PLIN1: variants seen among roughly 807,000 people sequenced by gnomAD.
The protein encoded by PLIN1 is perilipin-1.
Under a neutral mutation model 45.8 loss-of-function variants are expected in PLIN1, and 37 were observed. The ratio of observed to expected loss-of-function variants is 0.81; its 90% CI spans 0.62 to 1.06. The LOEUF is 1.06. Ranked by LOEUF, PLIN1 falls within the 50% of genes least tolerant of loss-of-function variation. The pLI is 0.00. For missense variants in PLIN1, 776 were observed against 716.5 expected, an observed-to-expected ratio of 1.08 and a Z score of -0.95; for synonymous variants, 340 against 309.2, an observed-to-expected ratio of 1.10 and a Z score of -1.05.
chr15:89,668,284 T>C (rs182009497), intron 6 of PLIN1, among the ~76,000 whole-genome samples: 1 of 152,228 alleles, frequency 6.6e-6, no homozygotes, highest in African/African-American at 2.4e-5. Context: ...CTGTGTAATA[T>C]TCCATCATAC....
intron 2 of PLIN1, among the ~76,000 whole-genome samples, chr15:89,676,426 T>G (rs1964517306): frequency 6.6e-6 from 1 of 152,094 alleles, no homozygotes; most frequent in African/African-American, 2.4e-5. Context: ...TTTTTGTATT[T>G]TTAGTAGAGA....
intron 2 of PLIN1, among the ~76,000 whole-genome samples, chr15:89,674,388 C>A (rs988895416): frequency 1.3e-5 from 2 of 152,174 alleles, no homozygotes; most frequent in Non-Finnish European, 2.9e-5. Context: ...TCCTGGGTAG[C>A]TGGGACTACA....
intron 3 of PLIN1, among the ~76,000 whole-genome samples, chr15:89,672,891 G>A (rs542018688): frequency 6.6e-6 from 1 of 152,364 alleles, no homozygotes; most frequent in East Asian, 1.9e-4. Context: ...TGCTGCGACA[G>A]TGAGTGTCTG....
intron 7 of PLIN1, 75 bp downstream of exon 7, chr15:89,667,527 G>A (rs1457378575): frequency 6.2e-7 from 1 of 1,611,652 alleles, no homozygotes; most frequent in Non-Finnish European, 8.5e-7. Context: ...CAGAGGCCCT[G>A]AGTTCACCCT....
intron 6 of PLIN1, 98 bp from the exon 7 acceptor site, chr15:89,667,891 G>A (rs1398488079): frequency 2.6e-6 from 4 of 1,520,722 alleles, no homozygotes; most frequent in Non-Finnish European, 3.5e-6. Flanking sequence ...GTCCGGGCCA[G>A]GTGGTGAGCA....
chr15:89,671,874 T>C (rs1964446607), intron 3 of PLIN1, among the ~76,000 whole-genome samples: 1 of 152,240 alleles, frequency 6.6e-6, no homozygotes, highest in Admixed American at 6.5e-5. Context: ...CTCTGCTTCC[T>C]ACCTTGTAAA....
Position 89,667,329 on chromosome 15 carries a change from C to T in PLIN1, c.964-148G>A. 2.7e-6 allele frequency: 3 copies of T among 1,097,670 alleles called. No homozygotes were observed. In the South Asian group the frequency reaches 4.3e-5, roughly 16 times the overall value. The allele number at this position is 1,097,670 out of a possible 1,614,324, so 68.0% of individuals were successfully genotyped here. On this transcript the variant is annotated intron_variant, in intron 7 of 8. Coordinates refer to ENST00000300055, the MANE Select transcript of PLIN1 (RefSeq NM_002666.5). ...CTGCCACTAGCAGTGTGGCCTTGGA[C>T]AGGTCACATTCCCTCTCTGAACCTC... is the stretch of plus-strand genomic sequence containing the variant.
chr15:89,665,982 C>T, intron 8 of PLIN1, 40 bp from the exon 9 acceptor site: 1 of 1,406,990 alleles, frequency 7.1e-7, no homozygotes, highest in Non-Finnish European at 9.4e-7. Context: ...TGGCTTGGCC[C>T]TGGGCCCTGC....
At chr15:89,677,034 C>G (rs1198368948) in intron 2 of PLIN1, 1 of 274,034 alleles carries the variant, frequency 3.6e-6, no homozygotes, top group Non-Finnish European at 7.2e-6. Context: ...TGTGCACCGT[C>G]TAACTCCGAC....
In PLIN1 at chr15:89,666,921, AGGGGTG is replaced by A; in HGVS notation, c.1209+9_1209+14del. 1 of 1,613,712 alleles carries A rather than the reference AGGGGTG, an allele frequency of 6.2e-7. No homozygotes were observed. Among genetic ancestry groups the A allele is most frequent in the Non-Finnish European group, 8.5e-7 (1 of 1,179,832 alleles). ...CCCCTTGGGACACTAACAGTTTGCC[AGGGGTG>A]GTACTCACCGGCACGTAATGCACCA... On this transcript the variant is annotated intron_variant, in intron 8 of 8. Transcript: ENST00000300055.
chr15:89,668,197 A>G (rs547415010), intron 6 of PLIN1, among the ~76,000 whole-genome samples: 1 of 152,328 alleles, frequency 6.6e-6, no homozygotes, highest in South Asian at 2.1e-4. Flanking sequence ...ATCTATTAAT[A>G]GCTCCTTTAG....
chr15:89,666,888 G>A (rs1225888759), intron 8 of PLIN1, 48 bp downstream of exon 8: 1 of 1,609,448 alleles, frequency 6.2e-7, no homozygotes, highest in Non-Finnish European at 8.5e-7. Context: ...TATCTGCCAT[G>A]TCCAGGCCCC....
intron 3 of PLIN1, among the ~76,000 whole-genome samples, chr15:89,672,127 C>G (rs1463345492): frequency 6.6e-6 from 1 of 152,212 alleles, no homozygotes; most frequent in Non-Finnish European, 1.5e-5. Flanking sequence ...AGTGCAGGCC[C>G]CAGGCCGTCC....
chr15:89,671,547 G>A lies in PLIN1; in HGVS notation c.268C>T (p.Leu90=). 1 of 1,569,222 alleles carries A rather than the reference G, an allele frequency of 6.4e-7. No homozygotes were observed. The highest frequency in any genetic ancestry group is 1.2e-5 in the South Asian group (1 of 85,182). ...AGGTGGTCCAAGCCTCGGCAGGCCAGCTCATTGGCAGCTGTGACTGGAAGG... is the reference window on the plus strand; with the variant it reads ...AGGTGGTCCAAGCCTCGGCAGGCCAACTCATTGGCAGCTGTGACTGGAAGG... ...LSTQFTAANE[L]ACRGLDHLEE... is the part of the protein sequence containing the mutation. The change falls in exon 4 of 9, where the codon CTG becomes TTG. Residue 90 remains leucine (L), a synonymous_variant. Coordinates refer to ENST00000300055, the MANE Select transcript of PLIN1 (RefSeq NM_002666.5).
chr15:89,675,043 G>A (rs1964495020), intron 2 of PLIN1, among the ~76,000 whole-genome samples: 1 of 152,158 alleles, frequency 6.6e-6, no homozygotes, highest in African/African-American at 2.4e-5. Flanking sequence ...ATGAGTCCGG[G>A]AGTTGGAGGC....
At chr15:89,675,022 G>A (rs1964494333) in intron 2 of PLIN1, among the ~76,000 whole-genome samples, 1 of 152,120 alleles carries the variant, frequency 6.6e-6, no homozygotes, top group African/African-American at 2.4e-5. Context: ...AACCTGAGGC[G>A]GGAAGATCGC....
In PLIN1 at chr15:89,669,460, C is replaced by A. The variant is rs1268426418; in HGVS notation, c.771+40G>T. ...AGGGACTAGGAGGCCCACAGGGCTC[C>A]CAGGCACCGGGTCAGTCAGAGCTCA... On this transcript the variant is annotated intron_variant, in intron 6 of 8. Coordinates refer to ENST00000300055, the MANE Select transcript of PLIN1 (RefSeq NM_002666.5). 8.9e-6 allele frequency: 14 copies of A among 1,581,688 alleles called. No homozygotes were observed. The East Asian group carries it at 2.9e-4, about 33-fold the overall frequency.
At chr15:89,666,043 C>A in intron 8 of PLIN1, 101 bp from the exon 9 acceptor site, 3 of 946,430 alleles carry the variant, frequency 3.2e-6, no homozygotes, top group Non-Finnish European at 4.3e-6. Flanking sequence ...CCCCCGGGAG[C>A]GGCCGTCAGG....
intron 2 of PLIN1, among the ~76,000 whole-genome samples, chr15:89,675,407 G>T (rs929132124): frequency 8.4e-5 from 10 of 118,406 alleles, no homozygotes; most frequent in African/African-American, 3.3e-4. Context: ...AGGAGTTTGA[G>T]ACCACTCTGA....
Sources: allele counts gnomAD v4.1 joint callset (sites outside exome capture counted in the v4.1 genomes callset), GRCh38; gene constraint gnomAD v4.1.1; transcripts MANE v1.5; gene names NCBI Gene and HGNC (gene_info 2026-07-23, HGNC 2026-07-21).